C4orf54: variants seen among roughly 807,000 people sequenced by gnomAD.
C4orf54 encodes the protein uncharacterized protein C4orf54.
C4orf54 carries 67 observed loss-of-function variants against 80.1 expected under a neutral mutation model. The ratio of observed to expected loss-of-function variants is 0.84; its 90% confidence interval spans 0.69 to 1.03. The LOEUF (loss-of-function observed/expected upper bound fraction) is 1.03. Ranked by LOEUF, C4orf54 falls within the 50% of genes least tolerant of loss-of-function variation. The probability of loss-of-function intolerance (pLI) is 0.00; values close to 1 mark genes in which losing one functional copy is unlikely to be tolerated. For synonymous variants in C4orf54, 1,000 were observed against 917.0 expected, an observed-to-expected ratio of 1.09 and a Z score of -1.64; for missense variants, 2,434 against 2,253.5, an observed-to-expected ratio of 1.08 and a Z score of -1.62.
At chr4:99,655,670 A>G (rs1332060705) in intron 1 of C4orf54, among the ~76,000 whole-genome samples, 1 of 152,154 alleles carries the variant, frequency 6.6e-6, no homozygotes, top group Non-Finnish European at 1.5e-5. Context: ...CAAATTTGCC[A>G]GTCAACTTAA....
chr4:99,650,349 C>T lies in C4orf54; in HGVS notation c.4300G>A (p.Gly1434Arg). The T allele has an allele frequency of 1.3e-6, 2 of 1,536,054 alleles. No homozygotes were observed. Among genetic ancestry groups the T allele is most frequent in the Middle Eastern group, 1.7e-4 (1 of 5,990 alleles). The stretch of plus-strand genomic sequence containing the variant: ...GGAGAGATCTTGAGGGACCGGAGTC[C>T]CTGCGACTTGATGCCCTTAGCTGCT... ...PSAAKGIKSQ[G>R]LRSLKISPAT... Residue 1434 changes from glycine (G) to arginine (R), a missense_variant, in exon 2 of 3, where the codon GGA (glycine) becomes AGA (arginine). Coordinates refer to ENST00000511828, the MANE Select transcript of C4orf54 (RefSeq NM_001354435.2).
rs527426372 is a variant in C4orf54 at position 99,652,293 on chromosome 4, C to A, written c.2356G>T (p.Asp786Tyr). The A allele has an allele frequency of 1.3e-6, 2 of 1,535,950 alleles. No individual in the cohort carries two copies. Among genetic ancestry groups the A allele is most frequent in the Admixed American group, 2.0e-5 (1 of 50,994 alleles). The change falls in exon 2 of 3, where the codon GAC becomes TAC. Residue 786 changes from aspartate (D) to tyrosine (Y), a missense_variant. Physicochemically the swap from Asp to Tyr is radical, Grantham distance 160 (BLOSUM62 -3). Transcript: ENST00000511828. The part of the protein sequence containing the change: ...GKGPGSAYTD[D>Y]GSETSEGSKP... ...CTGCCCTCGGAGGTCTCGGAGCCGT[C>A]GTCCGTGTATGCCGACCCGGGACCC...
chr4:99,637,451 T>C lies in C4orf54; in HGVS notation c.*3782A>G, dbSNP rs1726526249. ...CCCAGAGGACCCGAGTCTGCAATTC[T>C]GATTAGATTCAAGCTTAAGGCACCA... On this transcript the variant is annotated 3_prime_UTR_variant, in exon 3 of 3. Coordinates refer to ENST00000511828, the MANE Select transcript of C4orf54 (RefSeq NM_001354435.2). 6.6e-6 allele frequency: 1 copy of C among 152,154 alleles called. No homozygotes were observed. The highest frequency in any genetic ancestry group is 1.5e-5 in the Non-Finnish European group (1 of 68,012). 9.4% of individuals were successfully genotyped at this position (152,154 alleles called of 1,614,324 possible). A position where few individuals can be genotyped will look rare whatever the true frequency, so the allele number is the denominator to read the frequency against.
At chr4:99,648,874 C>G (rs186542202) in intron 2 of C4orf54, among the ~76,000 whole-genome samples, 224 of 152,256 alleles carry the variant, frequency 1.5e-3, no homozygotes, top group South Asian at 2.7e-3. Context: ...GAGTGAGGCT[C>G]ACTCCACAAA....
chr4:99,650,034 G>T lies in C4orf54; in HGVS notation c.4615C>A (p.Pro1539Thr). Residue 1539 changes from proline (P) to threonine (T), a missense_variant, in exon 2 of 3, where the codon CCC becomes ACC. Physicochemically the swap from Pro to Thr is conservative, Grantham distance 38. Coordinates refer to ENST00000511828, the MANE Select transcript of C4orf54 (RefSeq NM_001354435.2). Reference sequence around the variant, plus strand: ...GGGGGGGCAGCTACTGTCTCCCGGGGGTTGTCAGGTTTGGTACGCCAAGCT... The same window carrying T: ...GGGGGGGCAGCTACTGTCTCCCGGGTGTTGTCAGGTTTGGTACGCCAAGCT... ...RPAWRTKPDN[P>T]RETVAAPPGP... 1 of 1,535,824 alleles carries T rather than the reference G, an allele frequency of 6.5e-7. No individual in the cohort carries two copies. Among genetic ancestry groups the T allele is most frequent in the Non-Finnish European group, 8.7e-7 (1 of 1,146,786 alleles).
At chr4:99,643,245 A>T (rs1303962118) in intron 2 of C4orf54, among the ~76,000 whole-genome samples, 1 of 152,196 alleles carries the variant, frequency 6.6e-6, no homozygotes, top group South Asian at 2.1e-4. Context: ...TTCAGTCTTC[A>T]CTACTCTCCT....
chr4:99,641,032 A>C lies in C4orf54; in HGVS notation c.*201T>G, dbSNP rs1480911399. On this transcript the variant is annotated 3_prime_UTR_variant, in exon 3 of 3. Coordinates refer to ENST00000511828, the MANE Select transcript of C4orf54 (RefSeq NM_001354435.2). ...ATAAAATTAAAATAAAAACTGCCTT[A>C]AGAGGATTGTTCAGAAAAATATAGA... The C allele has an allele frequency of 2.0e-5, 3 of 152,186 alleles. No individual in the cohort carries two copies. The highest frequency in any genetic ancestry group is 4.4e-5 in the Non-Finnish European group (3 of 68,008). 9.4% of individuals were successfully genotyped at this position (152,186 alleles called of 1,614,324 possible).
rs1157648507 is a variant in C4orf54, at chr4:99,652,046, C to G, written c.2603G>C (p.Arg868Pro). Residue 868 changes from arginine (R) to proline (P), a missense_variant, in exon 2 of 3, where the codon CGT becomes CCT. Physicochemically the swap from Arg to Pro is moderately radical, Grantham distance 103. Transcript: ENST00000511828. ...GTACTCGGAGCCGGCCTCGGAGTGA[C>G]GAGAGCTCTGCCTCTGCAGGCCCCT... Reference protein sequence around the residue: ...RERGLQRQSSRHSEAGSEYTV... With the variant: ...RERGLQRQSSPHSEAGSEYTV... 3 of 1,536,088 alleles carry G rather than the reference C, an allele frequency of 2.0e-6. No homozygotes were observed. The highest frequency in any genetic ancestry group is 1.2e-5 in the South Asian group (1 of 84,056).
rs897305539 is a variant in C4orf54 at position 99,650,142 on chromosome 4, G to T, written c.4507C>A (p.Leu1503Ile). The change falls in exon 2 of 3, where the codon CTC (leucine) becomes ATC (isoleucine). Residue 1503 changes from leucine (L) to isoleucine (I), a missense_variant. Transcript: ENST00000511828. ...EGPPNSSAAT[L>I]CSLPPLSARS... ...GCACTCAGCGGGGGTAAACTACAGA[G>T]AGTGGCAGCTGAGGAGTTGGGGGGC... is the stretch of plus-strand genomic sequence containing the variant. 1 of 1,536,052 alleles carries T rather than the reference G, an allele frequency of 6.5e-7. No individual in the cohort carries two copies. Among genetic ancestry groups the T allele is most frequent in the African/African-American group, 1.4e-5 (1 of 73,124 alleles).
Position 99,640,496 on chromosome 4 carries a change from T to C in C4orf54, c.*737A>G, listed in dbSNP as rs1421537424. The C allele has an allele frequency of 6.6e-6, 1 of 152,224 alleles. No individual in the cohort carries two copies. Among genetic ancestry groups the C allele is most frequent in the African/African-American group, 2.4e-5 (1 of 41,472 alleles). The allele number at this position is 152,224 out of a possible 1,614,324, so 9.4% of individuals were successfully genotyped here. On this transcript the variant is annotated 3_prime_UTR_variant, in exon 3 of 3. Coordinates refer to ENST00000511828, the MANE Select transcript of C4orf54 (RefSeq NM_001354435.2). The stretch of plus-strand genomic sequence containing the variant: ...CTTTCTGAGACTAAGTACTTAATTT[T>C]AGATGCAATCATTGGCTTTCCAGTA...
Position 99,649,881 on chromosome 4 carries a change from C to T in C4orf54, c.4768G>A (p.Ala1590Thr), listed in dbSNP as rs533793051. 11 of 1,530,186 alleles carry T rather than the reference C, an allele frequency of 7.2e-6. No individual in the cohort carries two copies. The highest frequency in any genetic ancestry group is 1.4e-5 in the African/African-American group (1 of 73,006). The allele number at this position is 1,530,186 out of a possible 1,614,324, so 94.8% of individuals were successfully genotyped here. Residue 1590 changes from alanine to threonine, a missense_variant, in exon 2 of 3, where the codon GCA becomes ACA. Ala to Thr is a moderately conservative substitution (Grantham distance 58, BLOSUM62 0). Coordinates refer to ENST00000511828, the MANE Select transcript of C4orf54 (RefSeq NM_001354435.2). ...TCTGTGGGGACGGGAGCTGAGGCTG[C>T]AGGTGCTGGGGCAGGCATGCTGGGT... The part of the protein sequence containing the change: ...SPPSMPAPAP[A>T]ASAPVPTDPF...
intron 1 of C4orf54, among the ~76,000 whole-genome samples, chr4:99,655,061 T>C (rs999034214): frequency 9.2e-5 from 14 of 152,216 alleles, no homozygotes; most frequent in Non-Finnish European, 1.8e-4. Context: ...TGCCTCAAAA[T>C]CTATGCATTT....
In C4orf54 at chr4:99,652,797, C is replaced by T. The variant is rs1025935955; in HGVS notation, c.1852G>A (p.Asp618Asn). 3.3e-6 allele frequency: 5 copies of T among 1,536,118 alleles called. No individual in the cohort carries two copies. The highest frequency in any genetic ancestry group is 1.2e-5 in the South Asian group (1 of 84,062). The change falls in exon 2 of 3, where the codon GAT (aspartate) becomes AAT (asparagine). Residue 618 changes from aspartate (D) to asparagine (N), a missense_variant. Physicochemically the swap from Asp to Asn is conservative, Grantham distance 23 (BLOSUM62 1). Coordinates refer to ENST00000511828, the MANE Select transcript of C4orf54 (RefSeq NM_001354435.2). ...GASSAVSELD[D>N]ADKEVRNLTS... ...AGGTTACGCACCTCTTTGTCCGCAT[C>T]GTCCAGTTCGCTCACGGCACTGGAG...
rs974514374 is a variant in C4orf54 at position 99,650,069 on chromosome 4, G to A, written c.4580C>T (p.Thr1527Ile). The change falls in exon 2 of 3, where the codon ACC becomes ATC. Residue 1527 changes from threonine (T) to isoleucine (I), a missense_variant. Physicochemically the swap from Thr to Ile is moderately conservative, Grantham distance 89. Transcript: ENST00000511828. ...SSSKGSQVSGTSRPAWRTKPD... is the reference protein window; with the variant it reads ...SSSKGSQVSGISRPAWRTKPD... The stretch of plus-strand genomic sequence containing the variant: ...TTTGGTACGCCAAGCTGGTCGGCTG[G>A]TTCCACTAACCTGAGAGCCTTTGGA... 10 of 1,535,802 alleles carry A rather than the reference G, an allele frequency of 6.5e-6. No individual in the cohort carries two copies. In the African/African-American group the frequency reaches 1.1e-4, roughly 17 times the overall value.
Position 99,654,400 on chromosome 4 carries a change from C to A in C4orf54, c.249G>T (p.Gly83=), listed in dbSNP as rs1560642219. 1 of 892,428 alleles carries A rather than the reference C, an allele frequency of 1.1e-6. No homozygotes were observed. The highest frequency in any genetic ancestry group is 2.0e-5 in the Admixed American group (1 of 50,208). The allele number at this position is 892,428 out of a possible 1,614,324, so 55.3% of individuals were successfully genotyped here. A position where few individuals can be genotyped will look rare whatever the true frequency, so the allele number is the denominator to read the frequency against. The change falls in exon 2 of 3, where the codon GGG becomes GGT. Residue 83 remains glycine, a synonymous_variant. Transcript: ENST00000511828. ...CTGCCACCACCTCCCAGTTCTTCAG[C>A]CCCTGTGGCGGGGCCGCAGCAAGCC... The part of the protein sequence containing the change: ...SLRLAAAPPQ[G]LKNWEVVAAV...
chr4:99,650,674 T>C lies in C4orf54; in HGVS notation c.3975A>G (p.Gly1325=). The C allele has an allele frequency of 6.5e-7, 1 of 1,536,008 alleles. No homozygotes were observed. The highest frequency in any genetic ancestry group is 8.7e-7 in the Non-Finnish European group (1 of 1,146,884). The change falls in exon 2 of 3, where the codon GGA becomes GGG. Residue 1325 remains glycine, a synonymous_variant. Coordinates refer to ENST00000511828, the MANE Select transcript of C4orf54 (RefSeq NM_001354435.2). ...RLGEVEERGT[G]NKAGVVLRGA... ...CTCGCAGGACCACACCAGCTTTGTT[T>C]CCTGTGCCCCGCTCTTCCACCTCAC...
chr4:99,637,928 G>A lies in C4orf54; in HGVS notation c.*3305C>T, dbSNP rs1440225662. ...CATGAGATTATAGTCAATCTACTTA[G>A]GAATCAATACTGTCCTGTCCTGCAG... On this transcript the variant is annotated 3_prime_UTR_variant, in exon 3 of 3. Coordinates refer to ENST00000511828, the MANE Select transcript of C4orf54 (RefSeq NM_001354435.2). 4 of 152,012 alleles carry A rather than the reference G, an allele frequency of 2.6e-5. No homozygotes were observed. The highest frequency in any genetic ancestry group is 9.7e-5 in the African/African-American group (4 of 41,392). The allele number at this position is 152,012 out of a possible 1,614,324, so 9.4% of individuals were successfully genotyped here.
Position 99,640,969 on chromosome 4 carries a change from G to C in C4orf54, c.*264C>G, listed in dbSNP as rs543927455. The C allele has an allele frequency of 6.6e-6, 1 of 152,060 alleles. No homozygotes were observed. The highest frequency in any genetic ancestry group is 1.9e-4 in the East Asian group (1 of 5,188). 9.4% of individuals were successfully genotyped at this position (152,060 alleles called of 1,614,324 possible). ...CTGTGTTGAAGTATAAAAAGAAATA[G>C]TCATAAAGGGAAAAAATGCAACCAT... is the stretch of plus-strand genomic sequence containing the variant. On this transcript the variant is annotated 3_prime_UTR_variant, in exon 3 of 3. Coordinates refer to ENST00000511828, the MANE Select transcript of C4orf54 (RefSeq NM_001354435.2).
intron 2 of C4orf54, among the ~76,000 whole-genome samples, chr4:99,641,901 T>C (rs1726613122): frequency 6.6e-6 from 1 of 152,084 alleles, no homozygotes; most frequent in Non-Finnish European, 1.5e-5. Context: ...CTACAGGTAA[T>C]ATTTGTTAGG....
Sources: allele counts gnomAD v4.1 joint callset (sites outside exome capture counted in the v4.1 genomes callset), GRCh38; gene constraint gnomAD v4.1.1; transcripts MANE v1.5; gene names NCBI Gene and HGNC (gene_info 2026-07-23, HGNC 2026-07-21).